MED12L: variants seen among roughly 807,000 people sequenced by gnomAD.
MED12L encodes the protein mediator of RNA polymerase II transcription subunit 12-like protein.
A neutral mutation model predicts 281.3 loss-of-function variants in MED12L; 60 were observed. The observed-to-expected ratio is 0.21, with a 90% confidence interval of 0.17 to 0.26. MED12L has a LOEUF of 0.26. Among genes scored for constraint, MED12L ranks in the 10% least tolerant of loss-of-function variants. MED12L has a pLI of 1.00. For synonymous variants in MED12L, 974 were observed against 987.2 expected (o/e 0.99, Z 0.25); for missense variants, 2,146 against 2,680.9 (o/e 0.80, Z 4.41).
intron 16 of MED12L, among the ~76,000 whole-genome samples, chr3:151,222,055 G>A (rs1007686988): frequency 5.3e-5 from 8 of 152,230 alleles, no homozygotes; most frequent in Admixed American, 1.3e-4. Flanking sequence ...AAAGGAGATC[G>A]TTTGGGAAGT....
At chr3:151,177,066 T>C (rs1722141400) in intron 11 of MED12L, among the ~76,000 whole-genome samples, 1 of 152,238 alleles carries the variant, frequency 6.6e-6, no homozygotes, top group East Asian at 1.9e-4. Flanking sequence ...GGTGATATCA[T>C]ATGAGCATCT....
At chr3:151,371,127 C>A (rs1756131593) in intron 26 of MED12L, among the ~76,000 whole-genome samples, 1 of 152,172 alleles carries the variant, frequency 6.6e-6, no homozygotes, top group African/African-American at 2.4e-5. Context: ...CTAGCAGGTA[C>A]TGTTTTTTCT....
chr3:151,231,260 G>A (rs1731612448), intron 16 of MED12L, among the ~76,000 whole-genome samples: 1 of 152,226 alleles, frequency 6.6e-6, no homozygotes, highest in Non-Finnish European at 1.5e-5. Flanking sequence ...ACCTCAGTGT[G>A]ATAACTGATT....
chr3:151,190,291 C>T (rs2149094311), intron 13 of MED12L, among the ~76,000 whole-genome samples: 1 of 152,108 alleles, frequency 6.6e-6, no homozygotes, highest in Non-Finnish European at 1.5e-5. Context: ...CCTGCCTCAG[C>T]CTCCCGAGTA....
At chr3:151,285,237 C>T (rs1246869308) in intron 16 of MED12L, among the ~76,000 whole-genome samples, 1 of 152,154 alleles carries the variant, frequency 6.6e-6, no homozygotes, top group Admixed American at 6.5e-5. Flanking sequence ...GTAATCCCAG[C>T]ACTTTGGGAG....
intron 16 of MED12L, among the ~76,000 whole-genome samples, chr3:151,215,018 A>G (rs1727915258): frequency 6.6e-6 from 1 of 152,140 alleles, no homozygotes; most frequent in Admixed American, 6.5e-5. Flanking sequence ...TTCTACATAT[A>G]TGTTGGACAT....
chr3:151,203,869 T>G (rs1409515817), intron 16 of MED12L, among the ~76,000 whole-genome samples: 1 of 152,212 alleles, frequency 6.6e-6, no homozygotes, highest in Non-Finnish European at 1.5e-5. Flanking sequence ...GAATATATTA[T>G]ATATTCAATT....
chr3:151,250,518 CA>C (rs1736642331), intron 16 of MED12L, among the ~76,000 whole-genome samples: 2 of 152,180 alleles, frequency 1.3e-5, no homozygotes, highest in African/African-American at 2.4e-5. Context: ...GAAGTGGAAT[CA>C]TACAGTATTT....
rs371161784 is a variant in MED12L at position 151,375,804 on chromosome 3, T to A, written c.3865-222T>A. Among the ~76,000 whole-genome samples, 7 of 152,230 alleles carry A rather than the reference T, an allele frequency of 4.6e-5. No homozygotes were observed. In the East Asian group the frequency reaches 9.6e-4, roughly 21 times the overall value. The stretch of plus-strand genomic sequence containing the variant: ...TTTATTGTCTTTTCTTTTTTCCCAT[T>A]AAAAAATGTTTTTAAGCAAGTTCTA... On this transcript the variant is annotated intron_variant, in intron 27 of 44. Transcript: ENST00000687756.
At position 151,122,992 on chromosome 3, in the gene MED12L, C is replaced by T; in HGVS notation, c.396+18C>T. ...CAAAAAAGGTATCAAATATTTCTTA[C>T]ATTGTTTTAGTTATGGTCTTATAAT... On this transcript the variant is annotated intron_variant, in intron 4 of 44. Transcript: ENST00000687756. 6.4e-7 allele frequency: 1 copy of T among 1,570,336 alleles called. No homozygotes were observed. The highest frequency in any genetic ancestry group is 8.7e-7 in the Non-Finnish European group (1 of 1,149,896).
At chr3:151,368,737 T>G (rs71306552) in intron 25 of MED12L, among the ~76,000 whole-genome samples, 5,729 of 76,366 alleles carry the variant, frequency 0.075, 282 homozygotes, top group Non-Finnish European at 0.11. Context: ...TTCATTTCAT[T>G]TCATTTCATT....
At chr3:151,126,258 G>T (rs1714507127) in intron 4 of MED12L, among the ~76,000 whole-genome samples, 1 of 151,914 alleles carries the variant, frequency 6.6e-6, no homozygotes, top group Non-Finnish European at 1.5e-5. Context: ...GCCCAGGCTG[G>T]TCTCAAACTC....
intron 16 of MED12L, among the ~76,000 whole-genome samples, chr3:151,256,939 A>G (rs1430927072): frequency 6.6e-6 from 1 of 151,960 alleles, no homozygotes; most frequent in Non-Finnish European, 1.5e-5. Flanking sequence ...TGCCAAATCA[A>G]ATATCACTTA....
chr3:151,224,189 G>A (rs1010833467), intron 16 of MED12L, among the ~76,000 whole-genome samples: 1 of 152,110 alleles, frequency 6.6e-6, no homozygotes, highest in Non-Finnish European at 1.5e-5. Context: ...CTTATGACGT[G>A]CATTTTTCTT....
intron 16 of MED12L, among the ~76,000 whole-genome samples, chr3:151,252,580 G>C (rs899217125): frequency 5.3e-5 from 8 of 152,030 alleles, no homozygotes; most frequent in Non-Finnish European, 1.0e-4. Context: ...TCTCTTTCAA[G>C]TTTTACTTAT....
chr3:151,198,382 A>G (rs1259903616), intron 16 of MED12L: 2 of 1,214,598 alleles, frequency 1.6e-6, no homozygotes, highest in African/African-American at 1.7e-5. Flanking sequence ...AATTAACTTT[A>G]TGGTCCAGTA....
At chr3:151,397,768 T>C (rs962455254) in intron 39 of MED12L, among the ~76,000 whole-genome samples, 1 of 152,228 alleles carries the variant, frequency 6.6e-6, no homozygotes, top group African/African-American at 2.4e-5. Flanking sequence ...ACTAATAATA[T>C]AGTTACTTTT....
intron 16 of MED12L, among the ~76,000 whole-genome samples, chr3:151,314,048 A>AT (rs1747911316): frequency 6.6e-6 from 1 of 152,212 alleles, no homozygotes; most frequent in Admixed American, 6.5e-5. Flanking sequence ...TACGGATCCT[A>AT]TCTAGTACAT....
intron 16 of MED12L, among the ~76,000 whole-genome samples, chr3:151,200,300 A>G (rs1725358242): frequency 6.6e-6 from 1 of 152,176 alleles, no homozygotes; most frequent in South Asian, 2.1e-4. Flanking sequence ...ATTCAAACTC[A>G]CATGCTTAGA....
Sources: gnomAD v4.1 joint callset for allele counts (sites outside exome capture counted in the v4.1 genomes callset) on GRCh38, gnomAD v4.1.1 for gene constraint, MANE v1.5 for transcripts, NCBI Gene and HGNC (gene_info 2026-07-23, HGNC 2026-07-21) for gene names.